Variants in KCNMA1 observed in about 807,000 individuals in gnomAD.
KCNMA1 encodes the protein potassium calcium-activated channel subfamily M alpha 1.
KCNMA1 carries 29 observed loss-of-function variants against 140.0 expected under a neutral mutation model. That is an observed-to-expected ratio of 0.21 (90% CI 0.15 to 0.28). KCNMA1 has a LOEUF of 0.28. Among genes scored for constraint, KCNMA1 ranks in the 10% least tolerant of loss-of-function variants. The probability of loss-of-function intolerance (pLI) is 1.00; values close to 1 mark genes in which losing one functional copy is unlikely to be tolerated. For synonymous variants in KCNMA1, 612 were observed against 611.9 expected, an observed-to-expected ratio of 1.00 and a Z score of 0.00; for missense variants, 880 against 1,602.2, an observed-to-expected ratio of 0.55 and a Z score of 7.70.
chr10:77,077,127 G>A (rs1344938225), intron 13 of KCNMA1, among the ~76,000 whole-genome samples: 1 of 152,220 alleles, frequency 6.6e-6, no homozygotes, highest in Non-Finnish European at 1.5e-5. Flanking sequence ...AAACTGTGAA[G>A]CAAGGTGAAG....
intron 2 of KCNMA1, among the ~76,000 whole-genome samples, chr10:77,294,806 C>A (rs2074401215): frequency 6.6e-6 from 1 of 151,932 alleles, no homozygotes; most frequent in African/African-American, 2.4e-5. Context: ...GTAATCCCCT[C>A]TACTTGGGAG....
intron 1 of KCNMA1, among the ~76,000 whole-genome samples, chr10:77,417,655 C>T (rs923878728): frequency 6.6e-6 from 1 of 152,232 alleles, no homozygotes. Context: ...TGTCCCGTGC[C>T]AGGAAAATTT....
chr10:77,196,194 C>T (rs561915794), intron 3 of KCNMA1, among the ~76,000 whole-genome samples: 4 of 152,176 alleles, frequency 2.6e-5, no homozygotes, highest in East Asian at 1.9e-4. Context: ...CCCAGGAAGC[C>T]GATTTCTTAG....
At chr10:76,984,528 T>G (rs986111545) in intron 19 of KCNMA1, among the ~76,000 whole-genome samples, 6 of 152,192 alleles carry the variant, frequency 3.9e-5, no homozygotes, top group Non-Finnish European at 7.3e-5. Flanking sequence ...AACATCATAC[T>G]AAGGTGATTT....
chr10:77,423,471 A>G (rs911525022), intron 1 of KCNMA1, among the ~76,000 whole-genome samples: 2 of 152,218 alleles, frequency 1.3e-5, no homozygotes, highest in African/African-American at 4.8e-5. Context: ...TATAAGGGGT[A>G]TAATTTTTAT....
In KCNMA1 at chr10:77,355,561, A is replaced by G. The variant is rs559955853; in HGVS notation, c.540+48301T>C. ...TAGCCCCAGGAGCTCCTTCAGTCAT[A>G]TTAGGGCCTAAAAGGTGCCAGCCTT... On this transcript the variant is annotated intron_variant, in intron 2 of 27. Coordinates refer to ENST00000286628, the MANE Select transcript of KCNMA1 (RefSeq NM_001161352.2). Among the ~76,000 whole-genome samples, 3 of 152,294 alleles carry G rather than the reference A, an allele frequency of 2.0e-5. No individual in the cohort carries two copies. In the South Asian group the frequency reaches 6.2e-4, roughly 32 times the overall value.
At chr10:77,578,992 C>T (rs2075077072) in intron 1 of KCNMA1, among the ~76,000 whole-genome samples, 2 of 152,342 alleles carry the variant, frequency 1.3e-5, no homozygotes, top group South Asian at 2.1e-4. Flanking sequence ...GTGCTGAGCG[C>T]CCAGCTGCCA....
chr10:76,973,191 A>C lies in KCNMA1; in HGVS notation c.2267-3124T>G, dbSNP rs192486402. 2.0e-5 allele frequency: 3 copies of C among 152,326 alleles called. No homozygotes were observed. In the East Asian group the frequency reaches 5.8e-4, roughly 29 times the overall value. 9.4% of individuals were successfully genotyped at this position (152,326 alleles called of 1,614,324 possible). On this transcript the variant is annotated intron_variant, in intron 19 of 27. Transcript: ENST00000286628. ...CACTTGCCTTCATGCTGCGGAAGCCACATGAAGATATGATCCTTTAAAGAA... is the reference window on the plus strand; with the variant it reads ...CACTTGCCTTCATGCTGCGGAAGCCCCATGAAGATATGATCCTTTAAAGAA...
chr10:77,468,608 C>G (rs181209311), intron 1 of KCNMA1, among the ~76,000 whole-genome samples: 15 of 152,148 alleles, frequency 9.9e-5, no homozygotes, highest in African/African-American at 3.4e-4. Flanking sequence ...AGTCCTGGAA[C>G]CGATCCTTCC....
chr10:76,958,599 G>T (rs145106976), intron 20 of KCNMA1, among the ~76,000 whole-genome samples: 3 of 152,126 alleles, frequency 2.0e-5, no homozygotes, highest in African/African-American at 4.8e-5. Flanking sequence ...AGGTCATTGG[G>T]GTGAGTTCTG....
chr10:77,169,139 G>GA (rs1156352796), intron 5 of KCNMA1, among the ~76,000 whole-genome samples: 13 of 152,284 alleles, frequency 8.5e-5, no homozygotes, highest in African/African-American at 3.1e-4. Flanking sequence ...CAAGTAACAG[G>GA]ATAATAACTG....
rs2036679425 is a variant in KCNMA1, at chr10:76,885,900, C to A, written c.*1366G>T. 5.1e-6 allele frequency: 5 copies of A among 985,396 alleles called. No homozygotes were observed. Among genetic ancestry groups the A allele is most frequent in the Non-Finnish European group, 6.0e-6 (5 of 829,896 alleles). The allele number at this position is 985,396 out of a possible 1,614,324, so 61.0% of individuals were successfully genotyped here. ...CCAAAATGTGTTTGGCTCACTGTTGCACTCTTCTTATCCCACGTCTCATAA... is the reference window on the plus strand; with the variant it reads ...CCAAAATGTGTTTGGCTCACTGTTGAACTCTTCTTATCCCACGTCTCATAA... On this transcript the variant is annotated 3_prime_UTR_variant, in exon 28 of 28. Transcript: ENST00000286628.
intron 1 of KCNMA1, among the ~76,000 whole-genome samples, chr10:77,528,907 G>T (rs2056768816): frequency 6.6e-6 from 1 of 152,136 alleles, no homozygotes; most frequent in South Asian, 2.1e-4. Flanking sequence ...GAAGCAGCAA[G>T]CAGATCACAG....
chr10:77,012,698 T>G (rs11001968), intron 17 of KCNMA1: 342,554 of 688,058 alleles, frequency 0.5, 90,595 homozygotes, highest in Middle Eastern at 0.57. Context: ...CACTAAATGA[T>G]GGTTTTCTTC....
intron 6 of KCNMA1, 109 bp downstream of exon 6, chr10:77,120,864 G>T: frequency 1.4e-6 from 1 of 722,274 alleles, no homozygotes. Context: ...CTCTTTCTGT[G>T]AATAATATAA....
chr10:77,586,769 A>T (rs1332352455), intron 1 of KCNMA1, among the ~76,000 whole-genome samples: 2 of 152,226 alleles, frequency 1.3e-5, no homozygotes, highest in African/African-American at 4.8e-5. Flanking sequence ...TCAAAGCAAG[A>T]ACTCACACGT....
At chr10:77,340,269 G>A (rs754088273) in intron 2 of KCNMA1, among the ~76,000 whole-genome samples, 2 of 152,202 alleles carry the variant, frequency 1.3e-5, no homozygotes, top group Non-Finnish European at 2.9e-5. Flanking sequence ...TGGTGGGACT[G>A]TAAACTAGTT....
At chr10:77,061,933 A>G (rs1441842069) in intron 14 of KCNMA1, among the ~76,000 whole-genome samples, 1 of 152,214 alleles carries the variant, frequency 6.6e-6, no homozygotes, top group Admixed American at 6.5e-5. Context: ...ATGCCTTTAC[A>G]TGACAGACTT....
intron 1 of KCNMA1, among the ~76,000 whole-genome samples, chr10:77,600,884 C>G (rs2082425583): frequency 6.6e-6 from 1 of 152,156 alleles, no homozygotes; most frequent in Admixed American, 6.5e-5. Context: ...CTGTTCCAGT[C>G]CTTAAGCTCA....
Sources: gnomAD v4.1 joint callset for allele counts (sites outside exome capture counted in the v4.1 genomes callset) on GRCh38, gnomAD v4.1.1 for gene constraint, MANE v1.5 for transcripts, NCBI Gene and HGNC (gene_info 2026-07-23, HGNC 2026-07-21) for gene names.